The following VPS8 variants were observed in gnomAD, a reference collection of about 807,000 sequenced individuals.
VPS8 encodes the protein vacuolar protein sorting-associated protein 8 homolog.
VPS8 carries 129 observed loss-of-function variants against 216.4 expected under a neutral mutation model. That is an observed-to-expected ratio of 0.60 (90% CI 0.52 to 0.69). VPS8 has a LOEUF of 0.69. Among genes scored for constraint, VPS8 ranks in the 30% least tolerant of loss-of-function variants. The pLI is 0.00. For missense variants in VPS8, 1,531 were observed against 1,683.5 expected (o/e 0.91, Z 1.59); for synonymous variants, 571 against 565.4 (o/e 1.01, Z -0.14).
At chr3:184,824,866 T>C (rs1475567191) in intron 2 of VPS8, 81 bp downstream of exon 2, 1 of 1,381,280 alleles carries the variant, frequency 7.2e-7, no homozygotes, top group Admixed American at 2.3e-5. Flanking sequence ...AGACTCTAAG[T>C]CTGTCATTTT....
intron 1 of VPS8, among the ~76,000 whole-genome samples, chr3:184,818,609 A>G (rs746392371): frequency 2.6e-5 from 4 of 151,924 alleles, no homozygotes; most frequent in Admixed American, 2.0e-4. Context: ...TTTTCCCTTT[A>G]CAAAGCAAAC....
intron 36 of VPS8, among the ~76,000 whole-genome samples, chr3:184,949,728 A>G (rs7640111): frequency 0.011 from 1,717 of 152,284 alleles, 40 homozygotes; most frequent in African/African-American, 0.039. Context: ...TGTATTTTTC[A>G]GGCAGATTGG....
At chr3:184,906,153 C>T (rs1490088285) in intron 25 of VPS8, among the ~76,000 whole-genome samples, 2 of 152,058 alleles carry the variant, frequency 1.3e-5, no homozygotes, top group Admixed American at 1.3e-4. Flanking sequence ...TTCATTCATC[C>T]TAAAGTATTC....
chr3:184,967,219 C>CTCCAAAGG (rs1424482193), intron 39 of VPS8, among the ~76,000 whole-genome samples: 1 of 152,130 alleles, frequency 6.6e-6, no homozygotes, highest in African/African-American at 2.4e-5. Flanking sequence ...ACACCTCAGC[C>CTCCAAAGG]TCCAAAGGTG....
intron 3 of VPS8, among the ~76,000 whole-genome samples, chr3:184,831,954 C>G (rs1720081000): frequency 6.6e-6 from 1 of 152,138 alleles, no homozygotes; most frequent in African/African-American, 2.4e-5. Context: ...ATGTCAGTTG[C>G]CTTCCCACTG....
intron 45 of VPS8, among the ~76,000 whole-genome samples, chr3:185,023,025 A>G (rs1756869272): frequency 6.6e-6 from 1 of 152,224 alleles, no homozygotes; most frequent in African/African-American, 2.4e-5. Context: ...GGACATACAT[A>G]AAGTGTACAA....
chr3:184,938,318 A>G (rs1275274878), intron 35 of VPS8, among the ~76,000 whole-genome samples: 1 of 152,228 alleles, frequency 6.6e-6, no homozygotes, highest in East Asian at 1.9e-4. Flanking sequence ...TGGGCCAAAA[A>G]CATTAAGTGC....
At chr3:184,889,257 T>G (rs1413634418) in intron 22 of VPS8, among the ~76,000 whole-genome samples, 2 of 152,208 alleles carry the variant, frequency 1.3e-5, no homozygotes, top group Admixed American at 1.3e-4. Flanking sequence ...TTTTCCTGAT[T>G]CCTTAGCATG....
chr3:184,844,661 A>G (rs1357135463), intron 8 of VPS8, among the ~76,000 whole-genome samples: 1 of 152,168 alleles, frequency 6.6e-6, no homozygotes, highest in Non-Finnish European at 1.5e-5. Context: ...TTTGTACATT[A>G]TTTGTGACTT....
intron 28 of VPS8, among the ~76,000 whole-genome samples, chr3:184,919,585 G>T (rs1472646496): frequency 1.2e-4 from 18 of 152,270 alleles, no homozygotes; most frequent in Middle Eastern, 3.4e-3. Flanking sequence ...AGTTGCTATA[G>T]TTGGCAGTGT....
intron 6 of VPS8, 192 bp from the exon 7 acceptor site, chr3:184,839,506 T>C (rs2108588946): frequency 3.5e-6 from 2 of 567,932 alleles, no homozygotes; most frequent in South Asian, 4.7e-5. Context: ...AGAGTAAATT[T>C]AGAGGGATTC....
intron 32 of VPS8, among the ~76,000 whole-genome samples, chr3:184,928,977 T>C (rs1229131191): frequency 6.6e-6 from 1 of 152,172 alleles, no homozygotes; most frequent in East Asian, 1.9e-4. Flanking sequence ...TGTAAAATTT[T>C]TGTAAATTAT....
chr3:184,985,110 T>G lies in VPS8; in HGVS notation c.3585+2016T>G, dbSNP rs535063513. 7.9e-5 allele frequency among the ~76,000 whole-genome samples: 12 copies of G among 152,320 alleles called. No individual in the cohort carries two copies. In the East Asian group the frequency reaches 2.1e-3, roughly 27 times the overall value. On this transcript the variant is annotated intron_variant, in intron 42 of 47. Coordinates refer to ENST00000625842, the MANE Select transcript of VPS8 (RefSeq NM_001009921.3). ...TTGTGATTACTGTAATTATGCTACC[T>G]TATATATGTACAGAGATTTTTATTT... is the stretch of plus-strand genomic sequence containing the variant.
At chr3:184,840,471 C>G (rs957047366) in intron 7 of VPS8, 5 of 151,846 alleles carry the variant, frequency 3.3e-5, no homozygotes, top group Non-Finnish European at 7.4e-5. Context: ...GAGGCCGAGG[C>G]AGGTGGATCA....
At chr3:185,004,393 C>G (rs1577126232) in intron 45 of VPS8, among the ~76,000 whole-genome samples, 1 of 152,124 alleles carries the variant, frequency 6.6e-6, no homozygotes, top group African/African-American at 2.4e-5. Flanking sequence ...GGCAGGAGAA[C>G]CAGGCAGGGA....
chr3:184,861,734 G>A (rs994692324), intron 15 of VPS8, among the ~76,000 whole-genome samples: 29 of 152,226 alleles, frequency 1.9e-4, no homozygotes, highest in Non-Finnish European at 1.6e-4. Context: ...CAACGCTGCG[G>A]GTCTAATCTC....
At chr3:185,011,877 A>G (rs1399278391) in intron 45 of VPS8, among the ~76,000 whole-genome samples, 1 of 152,224 alleles carries the variant, frequency 6.6e-6, no homozygotes, top group Non-Finnish European at 1.5e-5. Flanking sequence ...TAAGGACTTT[A>G]AAATAGAAAT....
rs558466021 is a variant in VPS8, at chr3:184,947,737, A to G, written c.3035+7494A>G. Among the ~76,000 whole-genome samples the G allele has an allele frequency of 4.5e-4, 69 of 152,270 alleles. 1 individual carries two copies. Among genetic ancestry groups the G allele is most frequent in the Non-Finnish European group, 6.2e-4 (42 of 68,012 alleles). On this transcript the variant is annotated intron_variant, in intron 36 of 47. Coordinates refer to ENST00000625842, the MANE Select transcript of VPS8 (RefSeq NM_001009921.3). ...TTCAAAATATCTACAGTTGGAGTAA[A>G]AGTAAACTGGTGATTCTGACAGATT...
intron 21 of VPS8, chr3:184,882,202 G>A (rs1270137839): frequency 1.5e-5 from 5 of 340,050 alleles, no homozygotes; most frequent in South Asian, 1.2e-4. Flanking sequence ...AATATTAGCT[G>A]TAGATTTTTT....
Sources: allele counts gnomAD v4.1 joint callset (sites outside exome capture counted in the v4.1 genomes callset), GRCh38; gene constraint gnomAD v4.1.1; transcripts MANE v1.5; gene names NCBI Gene and HGNC (gene_info 2026-07-23, HGNC 2026-07-21).